BTG4: variants seen among roughly 807,000 people sequenced by gnomAD.
The protein encoded by BTG4 is BTG anti-proliferation factor 4, also known as protein BTG4.
Under a neutral mutation model 19.3 loss-of-function variants are expected in BTG4, and 10 were observed. The ratio of observed to expected loss-of-function variants is 0.52; its 90% CI spans 0.32 to 0.88. The LOEUF (loss-of-function observed/expected upper bound fraction) is 0.88. Among genes scored for constraint, BTG4 ranks in the 40% least tolerant of loss-of-function variants. The pLI is 0.04. For missense variants in BTG4, 238 were observed against 281.9 expected, an observed-to-expected ratio of 0.84 and a Z score of 1.11; for synonymous variants, 91 against 95.7, an observed-to-expected ratio of 0.95 and a Z score of 0.29.
chr11:111,384,084 C>A, the BTG4 span, among the ~76,000 whole-genome samples: 41 of 152,104 alleles, frequency 2.7e-4, no homozygotes, highest in African/African-American at 9.6e-4. Flanking sequence ...TTTCTAGAAA[C>A]CTTGCTGAAC....
At chr11:111,410,319 G>C in the BTG4 span, among the ~76,000 whole-genome samples, 1 of 151,928 alleles carries the variant, frequency 6.6e-6, no homozygotes, top group African/African-American at 2.4e-5. Flanking sequence ...TGCCCATGCT[G>C]GTCTCAAATT....
chr11:111,505,806 G>C (rs1477170576), intron 1 of BTG4, among the ~76,000 whole-genome samples: 1 of 151,850 alleles, frequency 6.6e-6, no homozygotes, highest in Non-Finnish European at 1.5e-5. Flanking sequence ...ATTGAAAATG[G>C]GGCAAAGAAC....
chr11:111,395,355 C>T, the BTG4 span, among the ~76,000 whole-genome samples: 3 of 152,268 alleles, frequency 2.0e-5, no homozygotes, highest in East Asian at 5.8e-4. Flanking sequence ...GTTCTTCCTC[C>T]TGCTGGCAGT....
At chr11:111,419,246 T>C in the BTG4 span, among the ~76,000 whole-genome samples, 6 of 152,350 alleles carry the variant, frequency 3.9e-5, no homozygotes, top group East Asian at 7.7e-4. Flanking sequence ...AAGTTAACAC[T>C]GATGCTCAGA....
chr11:111,402,534 C>T, the BTG4 span, among the ~76,000 whole-genome samples: 36 of 152,296 alleles, frequency 2.4e-4, no homozygotes, highest in African/African-American at 7.5e-4. Flanking sequence ...TATTTTGGCT[C>T]ACTGCTGTAT....
At chr11:111,426,910 C>T in the BTG4 span, among the ~76,000 whole-genome samples, 1 of 152,154 alleles carries the variant, frequency 6.6e-6, no homozygotes, top group Non-Finnish European at 1.5e-5. Flanking sequence ...CCTGGGAGCT[C>T]ACCAGCGCCA....
At chr11:111,504,882 G>A (rs1180090326) in intron 1 of BTG4, among the ~76,000 whole-genome samples, 1 of 151,802 alleles carries the variant, frequency 6.6e-6, no homozygotes, top group African/African-American at 2.4e-5. Flanking sequence ...CCACGAAAAA[G>A]ACCAAAATAC....
intron 5 of BTG4, chr11:111,475,129 G>T (rs1417762050): frequency 6.6e-6 from 1 of 152,318 alleles, no homozygotes; most frequent in Non-Finnish European, 1.5e-5. Context: ...TCTCATTTCA[G>T]TCTGCATTAT....
chr11:111,497,202 ACT>A lies in BTG4; in HGVS notation c.510+7_510+8del. Reference sequence around the variant, plus strand: ...AAAAAGTATAGAAAAGAACTGGAACACTCTTGACCTGATAAATACTCTTCGGA... The same window carrying A: ...AAAAAGTATAGAAAAGAACTGGAACACTTGACCTGATAAATACTCTTCGGA... On this transcript the variant is annotated splice_region_variant and intron_variant, in intron 4 of 4. Transcript: ENST00000692032. 2 of 1,604,768 alleles carry A rather than the reference ACT, an allele frequency of 1.2e-6. No individual in the cohort carries two copies. The highest frequency in any genetic ancestry group is 1.7e-6 in the Non-Finnish European group (2 of 1,174,646).
the BTG4 span, among the ~76,000 whole-genome samples, chr11:111,439,226 T>C: frequency 6.6e-6 from 1 of 152,260 alleles, no homozygotes; most frequent in Non-Finnish European, 1.5e-5. Context: ...TTGCTTTTGA[T>C]GGGTTCTGGA....
chr11:111,454,278 T>A, the BTG4 span: 10 of 456,502 alleles, frequency 2.2e-5, no homozygotes, highest in Non-Finnish European at 4.0e-5. Context: ...CTGGAGTGGT[T>A]TGACACAGAG....
downstream of BTG4, chr11:111,463,028 C>A (rs542064945): frequency 2.6e-5 from 4 of 152,734 alleles, no homozygotes; most frequent in Non-Finnish European, 5.9e-5. Context: ...TTGGCCATTA[C>A]GTTCCCTGTG....
intron 5 of BTG4, chr11:111,469,160 G>C (rs1327574044): frequency 1.3e-5 from 2 of 152,170 alleles, no homozygotes; most frequent in African/African-American, 4.8e-5. Flanking sequence ...TGTTCCCAGG[G>C]GCGGACATCT....
chr11:111,402,214 G>C, the BTG4 span, among the ~76,000 whole-genome samples: 1 of 174 alleles, frequency 5.7e-3, no homozygotes, highest in Non-Finnish European at 0.012. Flanking sequence ...TGTAAGATGT[G>C]ATTTTCTCCT....
At chr11:111,400,734 A>G in the BTG4 span, among the ~76,000 whole-genome samples, 3 of 152,192 alleles carry the variant, frequency 2.0e-5, no homozygotes, top group African/African-American at 7.2e-5. Context: ...GGAGAGACCT[A>G]GCAGACACCA....
At chr11:111,413,529 C>A in the BTG4 span, among the ~76,000 whole-genome samples, 2 of 152,214 alleles carry the variant, frequency 1.3e-5, no homozygotes, top group Non-Finnish European at 2.9e-5. Context: ...ATAAAGATAT[C>A]CTTTTTGTAC....
At chr11:111,463,833 A>G (rs1049432216), downstream of BTG4, among the ~76,000 whole-genome samples, 2 of 152,126 alleles carry the variant, frequency 1.3e-5, no homozygotes, top group African/African-American at 4.8e-5. Flanking sequence ...TGGAGGATTC[A>G]CTTCCAAGCT....
chr11:111,493,061 A>G (rs932894404), downstream of BTG4, among the ~76,000 whole-genome samples: 1 of 152,070 alleles, frequency 6.6e-6, no homozygotes, highest in Admixed American at 6.6e-5. Flanking sequence ...CACGAGAATC[A>G]CTTGAACCTG....
At chr11:111,400,299 T>C in the BTG4 span, among the ~76,000 whole-genome samples, 1 of 152,304 alleles carries the variant, frequency 6.6e-6, no homozygotes, top group African/African-American at 2.4e-5. Context: ...TAAAATACAA[T>C]AGGCAGTTGC....
Sources: allele counts gnomAD v4.1 joint callset (sites outside exome capture counted in the v4.1 genomes callset), GRCh38; gene constraint gnomAD v4.1.1; transcripts MANE v1.5; gene names NCBI Gene and HGNC (gene_info 2026-07-23, HGNC 2026-07-21).